The following TATDN2 variants were observed in gnomAD, a reference collection of about 807,000 sequenced individuals.
TATDN2 encodes TatD DNase domain containing 2, also known as 3'-5' RNA nuclease TATDN2.
TATDN2 carries 44 observed loss-of-function variants against 60.3 expected under a neutral mutation model. The ratio of observed to expected loss-of-function variants is 0.73; its 90% CI spans 0.57 to 0.94. The LOEUF (loss-of-function observed/expected upper bound fraction) is 0.94. TATDN2 is among the 40% of genes least tolerant of loss of function. The pLI is 0.00. For synonymous variants in TATDN2, 399 were observed against 355.8 expected, an observed-to-expected ratio of 1.12 and a Z score of -1.37; for missense variants, 997 against 948.0, an observed-to-expected ratio of 1.05 and a Z score of -0.68.
intron 3 of TATDN2, among the ~76,000 whole-genome samples, chr3:10,269,810 G>A (rs1351162321): frequency 1.3e-5 from 2 of 152,164 alleles, no homozygotes; most frequent in Non-Finnish European, 2.9e-5. Flanking sequence ...TCTCCAATCC[G>A]GAGTGTGTTC....
intron 3 of TATDN2, among the ~76,000 whole-genome samples, chr3:10,261,867 C>T (rs1363308856): frequency 2.0e-5 from 3 of 152,228 alleles, no homozygotes; most frequent in African/African-American, 4.8e-5. Context: ...CCTTCAGAAG[C>T]ACCCACACCC....
At position 10,279,231 on chromosome 3, in the gene TATDN2, A is replaced by T; in HGVS notation, c.*49A>T. The stretch of plus-strand genomic sequence containing the variant: ...TCTTCCACCCTCCAGGGCGACCAGC[A>T]GCCTGACAGAACACAGGCTGGCTTG... On this transcript the variant is annotated 3_prime_UTR_variant, in exon 8 of 8. Coordinates refer to ENST00000448281, the MANE Select transcript of TATDN2 (RefSeq NM_014760.4). The T allele has an allele frequency of 1.6e-6, 1 of 627,238 alleles. No homozygotes were observed. The highest frequency in any genetic ancestry group is 2.7e-6 in the Non-Finnish European group (1 of 377,240). The allele number at this position is 627,238 out of a possible 1,614,324, so 38.9% of individuals were successfully genotyped here.
intron 3 of TATDN2, among the ~76,000 whole-genome samples, chr3:10,261,369 T>C (rs1054043465): frequency 3.3e-5 from 5 of 150,402 alleles, no homozygotes; most frequent in African/African-American, 1.2e-4. Context: ...CTTTTTCTTT[T>C]TTTTTTTTTT....
intron 1 of TATDN2, 47 bp downstream of exon 1, chr3:10,249,114 C>T: frequency 6.8e-7 from 1 of 1,472,176 alleles, no homozygotes; most frequent in Non-Finnish European, 9.0e-7. Context: ...TTGCCGTCCT[C>T]CTGGGCCCGG....
chr3:10,260,480 C>T lies in TATDN2; in HGVS notation c.758C>T (p.Thr253Ile). The change falls in exon 3 of 8, where the codon ACC becomes ATC. Residue 253 changes from threonine to isoleucine, a missense_variant. Physicochemically the swap from Thr to Ile is moderately conservative, Grantham distance 89 (BLOSUM62 -1). Coordinates refer to ENST00000448281, the MANE Select transcript of TATDN2 (RefSeq NM_014760.4). ...GCTGCTCAGAAGGAGAAAGACGCAA[C>T]CCCAGAGGTCAGCATGGAGGAGGAT... ...VTAAQKEKDA[T>I]PEVSMEEDKT... is the part of the protein sequence containing the mutation. 2 of 1,614,016 alleles carry T rather than the reference C, an allele frequency of 1.2e-6. No individual in the cohort carries two copies. The highest frequency in any genetic ancestry group is 2.2e-5 in the South Asian group (2 of 91,070).
At position 10,276,395 on chromosome 3, in the gene TATDN2, T is replaced by G; in HGVS notation, c.1868T>G (p.Leu623Arg). Residue 623 changes from leucine to arginine, a missense_variant, in exon 5 of 8, where the codon CTA becomes CGA. Leu to Arg is a moderately radical substitution (Grantham distance 102). Coordinates refer to ENST00000448281, the MANE Select transcript of TATDN2 (RefSeq NM_014760.4). ...AGACAGCTGCAGCTGGCTGTGTCTC[T>G]AAAGAAGCCCTTGGTGATCCACTGC... ...FERQLQLAVS[L>R]KKPLVIHCRE... The G allele has an allele frequency of 1.2e-6, 2 of 1,614,018 alleles. No individual in the cohort carries two copies. Among genetic ancestry groups the G allele is most frequent in the South Asian group, 2.2e-5 (2 of 91,084 alleles).
intron 3 of TATDN2, 79 bp downstream of exon 3, chr3:10,260,749 A>G (rs1333434682): frequency 1.4e-5 from 21 of 1,486,056 alleles, no homozygotes; most frequent in East Asian, 2.3e-5. Context: ...TTTGATCCTA[A>G]GTGTTACTAA....
At chr3:10,265,003 A>ATTT (rs1265154232) in intron 3 of TATDN2, among the ~76,000 whole-genome samples, 8 of 45,860 alleles carry the variant, frequency 1.7e-4, no homozygotes, top group African/African-American at 8.1e-4. Flanking sequence ...GTTTATGTTG[A>ATTT]TTTTTTTTTT....
At chr3:10,266,538 TC>T (rs1698476680) in intron 3 of TATDN2, among the ~76,000 whole-genome samples, 1 of 152,226 alleles carries the variant, frequency 6.6e-6, no homozygotes. Flanking sequence ...CCCAGTTTCT[TC>T]CTGTGTGTAA....
At chr3:10,266,422 C>T (rs971170579) in intron 3 of TATDN2, among the ~76,000 whole-genome samples, 1 of 152,202 alleles carries the variant, frequency 6.6e-6, no homozygotes, top group Non-Finnish European at 1.5e-5. Flanking sequence ...TTGGAGACAG[C>T]ACAGTATGGT....
Position 10,260,123 on chromosome 3 carries a change from T to C in TATDN2, c.415-14T>C. The stretch of plus-strand genomic sequence containing the variant: ...CTTGGAACAGCCCTTTCAATTCTGT[T>C]TTTTTTTTCCCAGGTTGATTCCAAA... On this transcript the variant is annotated splice_polypyrimidine_tract_variant and intron_variant, in intron 2 of 7. Coordinates refer to ENST00000448281, the MANE Select transcript of TATDN2 (RefSeq NM_014760.4). The C allele has an allele frequency of 3.8e-6, 6 of 1,590,222 alleles. No homozygotes were observed. The highest frequency in any genetic ancestry group is 5.1e-6 in the Non-Finnish European group (6 of 1,171,628).
Position 10,249,251 on chromosome 3 carries a change from A to T in TATDN2, c.51A>T (p.Glu17Asp). Residue 17 changes from glutamate (E) to aspartate (D), a missense_variant, in exon 2 of 8, where the codon GAA becomes GAT. Coordinates refer to ENST00000448281, the MANE Select transcript of TATDN2 (RefSeq NM_014760.4). The stretch of plus-strand genomic sequence containing the variant: ...AGCACAACTGGAGCAGCACGTCGGA[A>T]GGGTGTCCCCGCAAGCGCAGCTGCC... Reference protein sequence around the residue: ...KVKHNWSSTSEGCPRKRSCLR... With the variant: ...KVKHNWSSTSDGCPRKRSCLR... 1 of 1,566,222 alleles carries T rather than the reference A, an allele frequency of 6.4e-7. No homozygotes were observed. The highest frequency in any genetic ancestry group is 1.9e-5 in the Admixed American group (1 of 53,862).
intron 3 of TATDN2, among the ~76,000 whole-genome samples, chr3:10,263,880 T>C (rs373760697): frequency 2.1e-4 from 32 of 152,328 alleles, no homozygotes; most frequent in African/African-American, 7.5e-4. Context: ...AATATAACCC[T>C]CTTCCCCTTG....
At chr3:10,254,029 TGA>T (rs1352460562) in intron 2 of TATDN2, among the ~76,000 whole-genome samples, 1 of 152,154 alleles carries the variant, frequency 6.6e-6, no homozygotes, top group African/African-American at 2.4e-5. Flanking sequence ...CTCTGCAGGG[TGA>T]GTTAGCCCAG....
At chr3:10,252,775 A>T (rs1199547718) in intron 2 of TATDN2, among the ~76,000 whole-genome samples, 1 of 147,840 alleles carries the variant, frequency 6.8e-6, no homozygotes, top group Non-Finnish European at 1.5e-5. Flanking sequence ...ACTGCATCTC[A>T]ACCTCCTGGG....
rs75054667 is a variant in TATDN2 at position 10,262,796 on chromosome 3, A to T, written c.948+2126A>T. ...GTGATCCACCTGCCTAGGCTTCCCAAAGTACTGAGATTACAGGTGTAAGCC... is the reference window on the plus strand; with the variant it reads ...GTGATCCACCTGCCTAGGCTTCCCATAGTACTGAGATTACAGGTGTAAGCC... On this transcript the variant is annotated intron_variant, in intron 3 of 7. Transcript: ENST00000448281. 4.7e-3 allele frequency among the ~76,000 whole-genome samples: 710 copies of T among 152,010 alleles called. 3 individuals carry two copies. Among genetic ancestry groups the T allele is most frequent in the African/African-American group, 0.016 (683 of 41,466 alleles).
intron 3 of TATDN2, among the ~76,000 whole-genome samples, chr3:10,261,530 C>A (rs933227909): frequency 3.3e-5 from 5 of 151,974 alleles, no homozygotes; most frequent in African/African-American, 1.2e-4. Flanking sequence ...GCCACCAAAC[C>A]GGCTAATTTT....
chr3:10,263,337 C>A (rs897958397), intron 3 of TATDN2, among the ~76,000 whole-genome samples: 1 of 151,950 alleles, frequency 6.6e-6, no homozygotes. Flanking sequence ...TGTACTTTAG[C>A]TGTGGGAAAA....
chr3:10,260,653 C>G lies in TATDN2; in HGVS notation c.931C>G (p.His311Asp), dbSNP rs1698388588. ...AGAGTTCTTGGATGACTCTGACTCT[C>G]ATTTAGAAATCCAAAAGGTGAGTAA... is the stretch of plus-strand genomic sequence containing the variant. ...PLEFLDDSDS[H>D]LEIQKHKDRE... The change falls in exon 3 of 8, where the codon CAT becomes GAT. Residue 311 changes from histidine (H) to aspartate (D), a missense_variant. By Grantham distance (81) the His-to-Asp change is moderately conservative. Transcript: ENST00000448281. The G allele has an allele frequency of 6.2e-7, 1 of 1,612,592 alleles. No homozygotes were observed. Among genetic ancestry groups the G allele is most frequent in the Non-Finnish European group, 8.5e-7 (1 of 1,179,344 alleles).
Sources: gnomAD v4.1 joint callset for allele counts (sites outside exome capture counted in the v4.1 genomes callset) on GRCh38, gnomAD v4.1.1 for gene constraint, MANE v1.5 for transcripts, NCBI Gene and HGNC (gene_info 2026-07-23, HGNC 2026-07-21) for gene names.